The following MCRS1 variants were observed in gnomAD, a reference collection of about 807,000 sequenced individuals.
MCRS1 encodes 58 kDa microspherule protein.
MCRS1 carries 22 observed loss-of-function variants against 62.9 expected under a neutral mutation model. The ratio of observed to expected loss-of-function variants is 0.35; its 90% CI spans 0.25 to 0.50. The LOEUF (loss-of-function observed/expected upper bound fraction) is 0.50, where lower values mean the gene tolerates loss of function less well. Ranked by LOEUF, MCRS1 falls within the 20% of genes least tolerant of loss-of-function variation. The probability of loss-of-function intolerance (pLI) is 0.98; values close to 1 mark genes in which losing one functional copy is unlikely to be tolerated. For missense variants in MCRS1, 456 were observed against 601.1 expected (o/e 0.76, Z 2.52); for synonymous variants, 244 against 233.5 (o/e 1.04, Z -0.41).
At chr12:49,563,621 C>A in intron 6 of MCRS1, 75 bp from the exon 7 acceptor site, 1 of 1,130,048 alleles carries the variant, frequency 8.8e-7, no homozygotes, top group Non-Finnish European at 1.3e-6. Context: ...CTATTTCCCC[C>A]AAACCTACAG....
At chr12:49,561,740 T>G (rs1247516277) in intron 8 of MCRS1, among the ~76,000 whole-genome samples, 1 of 152,242 alleles carries the variant, frequency 6.6e-6, no homozygotes, top group Non-Finnish European at 1.5e-5. Context: ...GCAATTCTCC[T>G]GCCTCAGCTT....
At chr12:49,566,869 G>A (rs1939092160) in intron 1 of MCRS1, 28 bp from the exon 2 acceptor site, 5 of 1,217,184 alleles carry the variant, frequency 4.1e-6, no homozygotes, top group Non-Finnish European at 5.8e-6. Flanking sequence ...GGCTCCCTGA[G>A]GCTCAGATTT....
At chr12:49,563,340 CCAGA>C in intron 7 of MCRS1, 94 bp downstream of exon 7, 4 of 1,376,668 alleles carry the variant, frequency 2.9e-6, no homozygotes, top group Non-Finnish European at 4.0e-6. Flanking sequence ...GTGCACATAT[CCAGA>C]CAGTGGGTGG....
intron 1 of MCRS1, chr12:49,567,624 T>C (rs1939131094): frequency 6.6e-6 from 1 of 152,156 alleles, no homozygotes; most frequent in Admixed American, 6.5e-5. Context: ...CAAACTGAGG[T>C]AGGGTCTGTG....
Position 49,564,850 on chromosome 12 carries a change from C to T in MCRS1, c.334G>A (p.Ala112Thr). 1 of 1,613,444 alleles carries T rather than the reference C, an allele frequency of 6.2e-7. No individual in the cohort carries two copies. The highest frequency in any genetic ancestry group is 8.5e-7 in the Non-Finnish European group (1 of 1,179,538). The change falls in exon 5 of 15, where the codon GCC (alanine) becomes ACC (threonine). Residue 112 changes from alanine (A) to threonine (T), a missense_variant. Transcript: ENST00000343810. The stretch of plus-strand genomic sequence containing the variant: ...TTCACACGCTTGGTGAGTCCAGGGG[C>T]TGGGGCTGGGCTGGGTGGCACAGGA... ...STPVPPSPAP[A>T]PGLTKRVKKS...
chr12:49,564,192 G>C (rs186968754), intron 6 of MCRS1, among the ~76,000 whole-genome samples: 198 of 151,872 alleles, frequency 1.3e-3, no homozygotes, highest in South Asian at 0.011. Flanking sequence ...TGCACTCCGG[G>C]CACTCATTTT....
intron 6 of MCRS1, among the ~76,000 whole-genome samples, chr12:49,564,005 G>A (rs991468442): frequency 5.3e-5 from 8 of 152,252 alleles, no homozygotes; most frequent in Non-Finnish European, 8.8e-5. Context: ...TTAAGTGACA[G>A]AGGAAGAGGA....
At chr12:49,565,714 C>T in intron 3 of MCRS1, 47 bp from the exon 4 acceptor site, 3 of 1,613,344 alleles carry the variant, frequency 1.9e-6, no homozygotes, top group Non-Finnish European at 2.5e-6. Flanking sequence ...CACCCTGGTA[C>T]CCATTCACAC....
At chr12:49,565,728 C>T (rs1351662274) in intron 3 of MCRS1, 61 bp from the exon 4 acceptor site, 1 of 1,611,660 alleles carries the variant, frequency 6.2e-7, no homozygotes, top group South Asian at 1.1e-5. Flanking sequence ...TTCACACACC[C>T]CCAGCCCCCA....
chr12:49,563,291 CT>C, intron 7 of MCRS1, 146 bp downstream of exon 7: 1 of 1,370,416 alleles, frequency 7.3e-7, no homozygotes, highest in Non-Finnish European at 1.0e-6. Flanking sequence ...CCTGAGGCCC[CT>C]GTCACAAACG....
In MCRS1 at chr12:49,558,638, A is replaced by G; in HGVS notation, c.*5T>C. Reference sequence around the variant, plus strand: ...GAGAGGGCCCACGAGTCCTGCCACCACTCCTCACTGTGGTGTGATCTTGGC... The same window carrying G: ...GAGAGGGCCCACGAGTCCTGCCACCGCTCCTCACTGTGGTGTGATCTTGGC... On this transcript the variant is annotated 3_prime_UTR_variant, in exon 15 of 15. Coordinates refer to ENST00000343810, the MANE Select transcript of MCRS1 (RefSeq NM_006337.5). The G allele has an allele frequency of 6.2e-7, 1 of 1,612,038 alleles. No individual in the cohort carries two copies.
At position 49,559,205 on chromosome 12, in the gene MCRS1, G is replaced by T; in HGVS notation, c.1174+9C>A. 1 of 1,612,484 alleles carries T rather than the reference G, an allele frequency of 6.2e-7. No individual in the cohort carries two copies. The highest frequency in any genetic ancestry group is 8.5e-7 in the Non-Finnish European group (1 of 1,178,806). On this transcript the variant is annotated intron_variant, in intron 13 of 14. Coordinates refer to ENST00000343810, the MANE Select transcript of MCRS1 (RefSeq NM_006337.5). This position sits in a 1 kb window ranked among gnomAD's most constrained non-coding sequence, Gnocchi z 5.2. The stretch of plus-strand genomic sequence containing the variant: ...ACTGCTTCCTGCTGGGGCAGGGGGT[G>T]GGGGATACCTTGTTTCCGGGATATC...
Position 49,559,591 on chromosome 12 carries a change from G to A in MCRS1, c.1004-56C>T, listed in dbSNP as rs1228979833. Reference sequence around the variant, plus strand: ...CCCCTGAGGGCCAGAATGCAAGGCAGGGAACCAGGGCAAGGTTTATAAGGG... The same window carrying A: ...CCCCTGAGGGCCAGAATGCAAGGCAAGGAACCAGGGCAAGGTTTATAAGGG... On this transcript the variant is annotated intron_variant, in intron 11 of 14. Coordinates refer to ENST00000343810, the MANE Select transcript of MCRS1 (RefSeq NM_006337.5). The surrounding 1 kb of genome is among the most constrained non-coding windows in gnomAD (Gnocchi z 5.2). 1.1e-5 allele frequency: 18 copies of A among 1,600,402 alleles called. No homozygotes were observed. The East Asian group carries it at 3.6e-4, about 32-fold the overall frequency.
chr12:49,559,207 G>A lies in MCRS1; in HGVS notation c.1174+7C>T. ...TGCTTCCTGCTGGGGCAGGGGGTGG[G>A]GGATACCTTGTTTCCGGGATATCTT... On this transcript the variant is annotated splice_region_variant and intron_variant, in intron 13 of 14. Transcript: ENST00000343810. This position sits in a 1 kb window ranked among gnomAD's most constrained non-coding sequence, Gnocchi z 5.2. 2 of 1,613,004 alleles carry A rather than the reference G, an allele frequency of 1.2e-6. No homozygotes were observed. Among genetic ancestry groups the A allele is most frequent in the Non-Finnish European group, 1.7e-6 (2 of 1,179,300 alleles).
chr12:49,565,387 A>G (rs1939002634), intron 4 of MCRS1, 142 bp downstream of exon 4: 4 of 1,500,616 alleles, frequency 2.7e-6, no homozygotes, highest in East Asian at 4.7e-5. Flanking sequence ...TGTTCCCAGG[A>G]GGGGGGCATC....
chr12:49,565,453 T>G, intron 4 of MCRS1, 76 bp downstream of exon 4: 1 of 1,533,816 alleles, frequency 6.5e-7, no homozygotes, highest in Non-Finnish European at 8.7e-7. Flanking sequence ...GCAGGGCTCT[T>G]GGCAGCTGGC....
intron 8 of MCRS1, 58 bp from the exon 9 acceptor site, chr12:49,560,428 G>A (rs968392563): frequency 6.5e-6 from 10 of 1,536,582 alleles, no homozygotes; most frequent in African/African-American, 2.7e-5. Context: ...CCGATGCTGA[G>A]CGGACCACTA....
chr12:49,561,037 T>C (rs1431668941), intron 8 of MCRS1, among the ~76,000 whole-genome samples: 2 of 152,096 alleles, frequency 1.3e-5, no homozygotes, highest in Non-Finnish European at 2.9e-5. Context: ...AAATACAGTT[T>C]CATGAAAGTC....
In MCRS1 at chr12:49,568,091, T is replaced by G. The variant is rs530159838; in HGVS notation, c.-154A>C. On this transcript the variant is annotated 5_prime_UTR_variant, in exon 1 of 15. Transcript: ENST00000343810. ...TCCAACAATTTCTCCGCGGCGACGG[T>G]AGCAGCCGCAGGGCCAAAGCCGGCT... 1 of 152,162 alleles carries G rather than the reference T, an allele frequency of 6.6e-6. No homozygotes were observed. Among genetic ancestry groups the G allele is most frequent in the East Asian group, 1.9e-4 (1 of 5,192 alleles). 9.4% of individuals were successfully genotyped at this position (152,162 alleles called of 1,614,324 possible).
Sources: gnomAD v4.1 joint callset for allele counts (sites outside exome capture counted in the v4.1 genomes callset) on GRCh38, gnomAD v4.1.1 for gene constraint, Gnocchi (gnomAD v3.1) non-coding constraint, MANE v1.5 for transcripts, NCBI Gene and HGNC (gene_info 2026-07-23, HGNC 2026-07-21) for gene names.